The following DCC variants were observed in gnomAD, a reference collection of about 807,000 sequenced individuals.
DCC encodes netrin receptor DCC.
DCC carries 58 observed loss-of-function variants against 172.5 expected under a neutral mutation model. That is an observed-to-expected ratio of 0.34 (90% CI 0.27 to 0.42). The LOEUF (loss-of-function observed/expected upper bound fraction) is 0.42. DCC is among the 10% of genes least tolerant of loss of function. The pLI, the probability that DCC is intolerant of heterozygous loss-of-function variation, is 1.00. For synonymous variants in DCC, 709 were observed against 644.5 expected, an observed-to-expected ratio of 1.10 and a Z score of -1.52; for missense variants, 1,740 against 1,791.0, an observed-to-expected ratio of 0.97 and a Z score of 0.51.
intron 27 of DCC, among the ~76,000 whole-genome samples, chr18:53,521,798 T>C (rs1241797936): frequency 3.3e-5 from 5 of 152,178 alleles, no homozygotes; most frequent in Non-Finnish European, 2.9e-5. Flanking sequence ...AAATTTAAAA[T>C]AAAATAAATA....
At chr18:52,587,336 G>T (rs1184933773) in intron 1 of DCC, among the ~76,000 whole-genome samples, 1 of 152,288 alleles carries the variant, frequency 6.6e-6, no homozygotes, top group African/African-American at 2.4e-5. Flanking sequence ...GACCCATTGG[G>T]CGATGACAAG....
intron 8 of DCC, among the ~76,000 whole-genome samples, chr18:53,165,123 G>C (rs958366008): frequency 2.0e-5 from 3 of 152,154 alleles, no homozygotes; most frequent in African/African-American, 7.2e-5. Flanking sequence ...CAATAATACT[G>C]TGAGGTAGGC....
At chr18:52,376,133 TC>T (rs554485409) in intron 1 of DCC, among the ~76,000 whole-genome samples, 61 of 152,170 alleles carry the variant, frequency 4.0e-4, no homozygotes, top group Middle Eastern at 3.2e-3. Flanking sequence ...CTATTAACTG[TC>T]ATAGGGTGCT....
At chr18:53,335,580 A>C (rs2057582467) in intron 14 of DCC, among the ~76,000 whole-genome samples, 1 of 152,182 alleles carries the variant, frequency 6.6e-6, no homozygotes, top group South Asian at 2.1e-4. Flanking sequence ...ATGCCTACAT[A>C]CATGTTACAG....
chr18:53,487,529 C>CTTTTTT, intron 26 of DCC, among the ~76,000 whole-genome samples: 1 of 120,220 alleles, frequency 8.3e-6, no homozygotes, highest in Non-Finnish European at 1.7e-5. Context: ...CCATTTGACT[C>CTTTTTT]TTTTTTTTTT....
chr18:52,356,039 T>C (rs1264921154), intron 1 of DCC, among the ~76,000 whole-genome samples: 1 of 152,174 alleles, frequency 6.6e-6, no homozygotes, highest in Non-Finnish European at 1.5e-5. Flanking sequence ...TAGCAATGAC[T>C]TCCCTGGTCA....
chr18:53,427,308 A>G (rs1237256319), intron 21 of DCC, among the ~76,000 whole-genome samples: 2 of 152,132 alleles, frequency 1.3e-5, no homozygotes, highest in African/African-American at 4.8e-5. Context: ...GATATACTAG[A>G]GGCAAGTGTG....
At chr18:52,708,005 T>A (rs1236278830) in intron 1 of DCC, among the ~76,000 whole-genome samples, 1 of 152,214 alleles carries the variant, frequency 6.6e-6, no homozygotes, top group East Asian at 1.9e-4. Context: ...AGATTTTAAG[T>A]GTTTTCACCA....
In DCC at chr18:52,573,525, T is replaced by G. The variant is rs368022572; in HGVS notation, c.92-178529T>G. On this transcript the variant is annotated intron_variant, in intron 1 of 28. Coordinates refer to ENST00000442544, the MANE Select transcript of DCC (RefSeq NM_005215.4). ...TTCCTTACCAGATGGCCTAAAAGTG[T>G]TCTAAAATCAGAAACTTAGATTTTA... Among the ~76,000 whole-genome samples, 286 of 152,364 alleles carry G rather than the reference T, an allele frequency of 1.9e-3. 1 individual carries two copies. Among genetic ancestry groups the G allele is most frequent in the African/African-American group, 6.7e-3 (278 of 41,596 alleles).
chr18:52,606,839 A>G (rs2034141801), intron 1 of DCC, among the ~76,000 whole-genome samples: 1 of 152,158 alleles, frequency 6.6e-6, no homozygotes, highest in Non-Finnish European at 1.5e-5. Flanking sequence ...AGTCAATGGA[A>G]ATGTTTGAAA....
At chr18:53,090,856 T>C (rs1284120693) in intron 7 of DCC, among the ~76,000 whole-genome samples, 1 of 151,928 alleles carries the variant, frequency 6.6e-6, no homozygotes, top group Non-Finnish European at 1.5e-5. Context: ...GGGGGAAGTA[T>C]TTCCACCTTA....
intron 7 of DCC, among the ~76,000 whole-genome samples, chr18:53,096,113 A>G (rs1395694478): frequency 6.6e-6 from 1 of 152,068 alleles, no homozygotes; most frequent in African/African-American, 2.4e-5. Flanking sequence ...TATGTAACTA[A>G]CCAGCACATT....
At chr18:52,532,815 A>T (rs1259750638) in intron 1 of DCC, among the ~76,000 whole-genome samples, 1 of 152,080 alleles carries the variant, frequency 6.6e-6, no homozygotes, top group Non-Finnish European at 1.5e-5. Context: ...CATAAAATAT[A>T]TCCTTCTAAA....
At chr18:52,795,680 C>G (rs758855277) in intron 2 of DCC, among the ~76,000 whole-genome samples, 2 of 151,814 alleles carry the variant, frequency 1.3e-5, no homozygotes. Flanking sequence ...CCTTAAGGTG[C>G]ATTGATAGGT....
intron 7 of DCC, among the ~76,000 whole-genome samples, chr18:53,087,364 A>G: frequency 6.6e-6 from 1 of 151,526 alleles, no homozygotes; most frequent in African/African-American, 2.4e-5. Context: ...GATGGTGAGC[A>G]CCTTTTCATG....
rs1222042412 is a variant in DCC, at chr18:53,429,104, TAA to T, written c.3164-6039_3164-6038del. 6.5e-5 allele frequency among the ~76,000 whole-genome samples: 6 copies of T among 91,702 alleles called. 1 individual carries two copies. Among genetic ancestry groups the T allele is most frequent in the African/African-American group, 1.7e-4 (5 of 29,096 alleles). The allele number at this position is 91,702 out of a possible 152,430, so 60.2% of individuals were successfully genotyped here. A position where few individuals can be genotyped will look rare whatever the true frequency, so the allele number is the denominator to read the frequency against. On this transcript the variant is annotated intron_variant, in intron 21 of 28. Transcript: ENST00000442544. The stretch of plus-strand genomic sequence containing the variant: ...TTTTATATAATATATATTTTATATA[TAA>T]TATATATATTTTATATATATATAAA...
chr18:53,045,997 G>T (rs11874458), intron 5 of DCC, among the ~76,000 whole-genome samples: 42,029 of 151,530 alleles, frequency 0.28, 6,394 homozygotes, highest in African/African-American at 0.4. Context: ...ACATACAAAT[G>T]CTTTTTCCAT....
chr18:53,055,588 T>C (rs2042392686), intron 5 of DCC, among the ~76,000 whole-genome samples: 1 of 152,184 alleles, frequency 6.6e-6, no homozygotes, highest in South Asian at 2.1e-4. Context: ...CATTCTACTC[T>C]CTTAAGGCTA....
At chr18:53,137,214 G>A (rs545462917) in intron 7 of DCC, among the ~76,000 whole-genome samples, 1 of 152,122 alleles carries the variant, frequency 6.6e-6, no homozygotes, top group Non-Finnish European at 1.5e-5. Flanking sequence ...TGAATTTGAG[G>A]TCTCCCCAGG....
Sources: allele counts gnomAD v4.1 joint callset (sites outside exome capture counted in the v4.1 genomes callset), GRCh38; gene constraint gnomAD v4.1.1; transcripts MANE v1.5; gene names NCBI Gene and HGNC (gene_info 2026-07-23, HGNC 2026-07-21).